The following COMMD1 variants were observed in gnomAD, a reference collection of about 807,000 sequenced individuals.
COMMD1 encodes the protein copper metabolism domain containing 1.
COMMD1 carries 10 observed loss-of-function variants against 17.2 expected under a neutral mutation model. The ratio of observed to expected loss-of-function variants is 0.58; its 90% CI spans 0.36 to 0.99. The LOEUF (loss-of-function observed/expected upper bound fraction) is 0.99. COMMD1 is among the 50% of genes least tolerant of loss of function. COMMD1 has a pLI of 0.01. For synonymous variants in COMMD1, 97 were observed against 91.6 expected (o/e 1.06, Z -0.34); for missense variants, 270 against 231.8 (o/e 1.17, Z -1.07).
chr2:61,958,463 C>G (rs1310874814), intron 1 of COMMD1, among the ~76,000 whole-genome samples: 2 of 152,094 alleles, frequency 1.3e-5, no homozygotes, highest in Admixed American at 1.3e-4. Context: ...GACAAAGTTT[C>G]ACCGTATTGG....
chr2:61,951,092 C>T (rs1671040270), intron 1 of COMMD1, among the ~76,000 whole-genome samples: 1 of 152,168 alleles, frequency 6.6e-6, no homozygotes, highest in African/African-American at 2.4e-5. Context: ...AGCTGAATTC[C>T]AGGAAACTCC....
intron 1 of COMMD1, among the ~76,000 whole-genome samples, chr2:61,966,404 A>G (rs11682992): frequency 6.6e-6 from 1 of 151,392 alleles, no homozygotes; most frequent in African/African-American, 2.4e-5. Flanking sequence ...TCTTTTTTTT[A>G]AAATATGTAA....
chr2:62,098,777 A>G (rs912906989), intron 2 of COMMD1, among the ~76,000 whole-genome samples: 9 of 152,072 alleles, frequency 5.9e-5, no homozygotes, highest in African/African-American at 2.2e-4. Flanking sequence ...AGCTGCATCT[A>G]TTTTGTCAAA....
intron 1 of COMMD1, among the ~76,000 whole-genome samples, chr2:61,945,203 G>T (rs1270064505): frequency 6.6e-6 from 1 of 152,174 alleles, no homozygotes; most frequent in African/African-American, 2.4e-5. Context: ...CTAGGAATGG[G>T]TCTCAGGTTG....
At chr2:61,985,041 C>CT (rs61613631) in intron 1 of COMMD1, among the ~76,000 whole-genome samples, 226 of 134,166 alleles carry the variant, frequency 1.7e-3, no homozygotes, top group Middle Eastern at 8.5e-3. Flanking sequence ...CTATGTGTGT[C>CT]TTTTTTTTTT....
chr2:61,897,267 A>G (rs1669569180), intron 1 of COMMD1, among the ~76,000 whole-genome samples: 2 of 152,172 alleles, frequency 1.3e-5, no homozygotes, highest in Non-Finnish European at 2.9e-5. Flanking sequence ...TATTTTCACA[A>G]TTTACTACTC....
chr2:62,027,343 A>AT (rs1669786917), intron 2 of COMMD1, among the ~76,000 whole-genome samples: 1 of 152,204 alleles, frequency 6.6e-6, no homozygotes, highest in Non-Finnish European at 1.5e-5. Context: ...ATTTGATCTA[A>AT]TGAGTTGACT....
At chr2:62,128,054 A>G (rs1348376636) in intron 2 of COMMD1, among the ~76,000 whole-genome samples, 2 of 147,006 alleles carry the variant, frequency 1.4e-5, no homozygotes, top group African/African-American at 5.0e-5. Flanking sequence ...GAGGTTGGGC[A>G]TGGTGGCTCA....
intron 1 of COMMD1, among the ~76,000 whole-genome samples, chr2:61,920,598 C>G (rs1670164964): frequency 1.3e-5 from 2 of 151,860 alleles, no homozygotes; most frequent in African/African-American, 4.8e-5. Context: ...GTAATTTTTA[C>G]CCCTTGTTGA....
At chr2:62,102,346 C>G (rs1158430175) in intron 2 of COMMD1, among the ~76,000 whole-genome samples, 1 of 152,112 alleles carries the variant, frequency 6.6e-6, no homozygotes, top group African/African-American at 2.4e-5. Context: ...TATGAAAATC[C>G]TAGTACAGAT....
intron 1 of COMMD1, among the ~76,000 whole-genome samples, chr2:61,985,389 C>G (rs901572905): frequency 3.3e-5 from 5 of 152,180 alleles, no homozygotes; most frequent in Admixed American, 3.3e-4. Flanking sequence ...TTCTTTTAGG[C>G]TACAGATCAT....
At chr2:62,029,219 T>C (rs1055662090) in intron 2 of COMMD1, among the ~76,000 whole-genome samples, 2 of 152,218 alleles carry the variant, frequency 1.3e-5, no homozygotes, top group African/African-American at 4.8e-5. Context: ...CTAATTGTTA[T>C]ACTCTTTGGG....
chr2:61,941,800 A>AT (rs752681691), intron 1 of COMMD1, among the ~76,000 whole-genome samples: 19 of 152,306 alleles, frequency 1.2e-4, no homozygotes, highest in Non-Finnish European at 2.5e-4. Context: ...TAAAATGGTC[A>AT]TTTTTACAGT....
intron 2 of COMMD1, among the ~76,000 whole-genome samples, chr2:62,078,404 T>TAAAAG (rs1671413385): frequency 1.7e-5 from 2 of 119,598 alleles, no homozygotes; most frequent in African/African-American, 3.2e-5. Flanking sequence ...ATAAAAAAAA[T>TAAAAG]TAGCCGGGCA....
chr2:61,959,745 C>T (rs751549292), intron 1 of COMMD1, among the ~76,000 whole-genome samples: 4 of 152,158 alleles, frequency 2.6e-5, no homozygotes, highest in Admixed American at 2.0e-4. Flanking sequence ...AAAGAATTAA[C>T]GCCGTGACAA....
chr2:62,063,246 A>ATT (rs1357866798), intron 2 of COMMD1, among the ~76,000 whole-genome samples: 1 of 152,046 alleles, frequency 6.6e-6, no homozygotes, highest in Non-Finnish European at 1.5e-5. Context: ...ATAAAAGAAA[A>ATT]TATTAGCAGG....
chr2:62,050,630 G>A (rs2103917041), intron 2 of COMMD1, among the ~76,000 whole-genome samples: 1 of 152,326 alleles, frequency 6.6e-6, no homozygotes, highest in South Asian at 2.1e-4. Flanking sequence ...GAAGAGGCTT[G>A]CTGAGAGAGA....
intron 1 of COMMD1, among the ~76,000 whole-genome samples, chr2:61,955,312 T>TTCTCTCTCTC (rs70946770): frequency 3.6e-4 from 53 of 145,472 alleles, no homozygotes; most frequent in African/African-American, 1.2e-3. Context: ...CTCTCTCTCT[T>TTCTCTCTCTC]TCTCTCTCTC....
At chr2:61,991,986 A>G (rs532802925) in intron 1 of COMMD1, among the ~76,000 whole-genome samples, 3 of 152,242 alleles carry the variant, frequency 2.0e-5, no homozygotes, top group African/African-American at 4.8e-5. Context: ...CATAATTTCT[A>G]ATATGATGTC....
Sources: allele counts gnomAD v4.1 joint callset (sites outside exome capture counted in the v4.1 genomes callset), GRCh38; gene constraint gnomAD v4.1.1; transcripts MANE v1.5; gene names NCBI Gene and HGNC (gene_info 2026-07-23, HGNC 2026-07-21).